The following NF1 variants were observed in gnomAD, a reference collection of about 807,000 sequenced individuals.
NF1 encodes neurofibromin 1, also known as neurofibromin.
NF1 carries 122 observed loss-of-function variants against 325.7 expected under a neutral mutation model. The observed-to-expected ratio is 0.37, with a 90% CI of 0.32 to 0.44. The LOEUF (loss-of-function observed/expected upper bound fraction) is 0.44, where lower values mean the gene tolerates loss of function less well. Among genes scored for constraint, NF1 ranks in the 20% least tolerant of loss-of-function variants. NF1 has a pLI of 1.00. For missense variants in NF1, 2,140 were observed against 3,415.4 expected, an observed-to-expected ratio of 0.63 and a Z score of 9.31; for synonymous variants, 1,091 against 1,186.0, an observed-to-expected ratio of 0.92 and a Z score of 1.65.
intron 24 of NF1, among the ~76,000 whole-genome samples, chr17:31,231,600 T>C (rs1387649913): frequency 6.6e-6 from 1 of 152,210 alleles, no homozygotes; most frequent in East Asian, 1.9e-4. Flanking sequence ...CATATATTTT[T>C]AATTATCTTC....
intron 36 of NF1, among the ~76,000 whole-genome samples, chr17:31,309,425 T>C (rs148864219): frequency 6.6e-6 from 1 of 152,324 alleles, no homozygotes; most frequent in African/African-American, 2.4e-5. Context: ...TTGAACACTT[T>C]TGGCATAGAT....
intron 5 of NF1, among the ~76,000 whole-genome samples, chr17:31,181,180 CAAGTTATTAAAAG>C (rs2066125345): frequency 6.6e-6 from 1 of 152,006 alleles, no homozygotes; most frequent in South Asian, 2.1e-4. Context: ...TTTGAAAAAG[CAAGTTATTAAAAG>C]AAAAAGCTCA....
intron 1 of NF1, among the ~76,000 whole-genome samples, chr17:31,132,820 C>G (rs1915490138): frequency 6.6e-6 from 1 of 151,994 alleles, no homozygotes; most frequent in African/African-American, 2.4e-5. Context: ...GCGCTCGCCA[C>G]CATGCCCGGC....
intron 1 of NF1, among the ~76,000 whole-genome samples, chr17:31,146,729 G>A (rs1396832103): frequency 6.6e-6 from 1 of 152,218 alleles, no homozygotes; most frequent in African/African-American, 2.4e-5. Flanking sequence ...AACCCCCACG[G>A]GGAGCCTGGA....
rs200376987 is a variant in NF1, at chr17:31,242,305, C to CTTTTTTTTT, written c.3974+6303_3974+6311dup. On this transcript the variant is annotated intron_variant, in intron 29 of 57. Coordinates refer to ENST00000358273, the MANE Select transcript of NF1 (RefSeq NM_001042492.3). ...TCTTTCCCTAGGTTTCATAAGTTCT[C>CTTTTTTTTT]TTTTTTTTTTTTTTTTTTTTTTTTT... Among the ~76,000 whole-genome samples the CTTTTTTTTT allele has an allele frequency of 5.4e-4, 37 of 68,860 alleles. 4 individuals carry two copies. The highest frequency in any genetic ancestry group is 1.1e-3 in the African/African-American group (17 of 16,008). 45.2% of individuals were successfully genotyped at this position (68,860 alleles called of 152,430 possible). A position where few individuals can be genotyped will look rare whatever the true frequency, so the allele number is the denominator to read the frequency against.
intron 37 of NF1, among the ~76,000 whole-genome samples, chr17:31,327,152 A>G (rs1388072487): frequency 1.3e-5 from 2 of 152,022 alleles, no homozygotes; most frequent in Admixed American, 1.3e-4. Flanking sequence ...TAGGTTTAGT[A>G]GAGACAAGGT....
At chr17:31,294,926 G>C in intron 36 of NF1, 1 of 1,562,260 alleles carries the variant, frequency 6.4e-7, no homozygotes, top group Non-Finnish European at 8.8e-7. Flanking sequence ...AATATAGCTC[G>C]AATCACTGGT....
At chr17:31,230,148 T>C in intron 22 of NF1, 112 bp from the exon 23 acceptor site, 1 of 1,429,024 alleles carries the variant, frequency 7.0e-7, no homozygotes, top group Non-Finnish European at 9.7e-7. Context: ...ATAAATATCT[T>C]ATTGTTTTCA....
chr17:31,182,929 G>C (rs375002032), intron 8 of NF1: 26 of 597,120 alleles, frequency 4.4e-5, no homozygotes, highest in Middle Eastern at 4.4e-4. Flanking sequence ...AAGACTAAAC[G>C]ATACCTCTGT....
intron 36 of NF1, among the ~76,000 whole-genome samples, chr17:31,323,879 T>G (rs1597827631): frequency 6.6e-6 from 1 of 152,322 alleles, no homozygotes; most frequent in Non-Finnish European, 1.5e-5. Flanking sequence ...TTCTCTGCAT[T>G]TCCTTTGATA....
At chr17:31,156,195 A>C in intron 2 of NF1, 69 bp downstream of exon 2, 1 of 1,556,998 alleles carries the variant, frequency 6.4e-7, no homozygotes, top group South Asian at 1.1e-5. Flanking sequence ...AGTTTAGAAC[A>C]GCATATTTTG....
At chr17:31,313,725 TG>T (rs2151520393) in intron 36 of NF1, among the ~76,000 whole-genome samples, 1 of 20,800 alleles carries the variant, frequency 4.8e-5, no homozygotes, top group Non-Finnish European at 1.2e-4. Flanking sequence ...AAAAAATATG[TG>T]TGTGTGTGTG....
intron 1 of NF1, among the ~76,000 whole-genome samples, chr17:31,123,810 G>A (rs1404517951): frequency 1.3e-5 from 2 of 152,148 alleles, no homozygotes; most frequent in African/African-American, 4.8e-5. Flanking sequence ...ATTCCTTTAA[G>A]CAAGGTTGAA....
intron 29 of NF1, among the ~76,000 whole-genome samples, chr17:31,237,760 A>G (rs1328640974): frequency 2.0e-5 from 3 of 151,514 alleles, no homozygotes; most frequent in Non-Finnish European, 2.9e-5. Context: ...TTATTAAGCA[A>G]TTTTACTTTC....
At chr17:31,158,964 C>T in intron 2 of NF1, 46 bp from the exon 3 acceptor site, 1 of 1,160,872 alleles carries the variant, frequency 8.6e-7, no homozygotes, top group Non-Finnish European at 1.3e-6. Flanking sequence ...TGATTGGTAG[C>T]AGAAAGTGAA....
chr17:31,182,943 T>C (rs1452136080), intron 8 of NF1: 6 of 591,188 alleles, frequency 1.0e-5, no homozygotes, highest in African/African-American at 9.3e-5. Context: ...CCTCTGTTAT[T>C]ATTAAACGTA....
In NF1 at chr17:31,181,801, A is replaced by ATTTTTTTT. The variant is rs71142032; in HGVS notation, c.730+25_730+32dup. 1.8e-5 allele frequency: 22 copies of ATTTTTTTT among 1,218,948 alleles called. No individual in the cohort carries two copies. The highest frequency in any genetic ancestry group is 2.7e-5 in the South Asian group (2 of 72,838). 75.5% of individuals were successfully genotyped at this position (1,218,948 alleles called of 1,614,324 possible). A position where few individuals can be genotyped will look rare whatever the true frequency, so the allele number is the denominator to read the frequency against. On this transcript the variant is annotated intron_variant, in intron 7 of 57. Coordinates refer to ENST00000358273, the MANE Select transcript of NF1 (RefSeq NM_001042492.3). ...GATATGGCTGGTAAGGATACGATTG[A>ATTTTTTTT]TTTTTTTTTTTTTTTTGTCTTTTAA...
At chr17:31,139,365 GTTTT>G (rs1916038729) in intron 1 of NF1, among the ~76,000 whole-genome samples, 1 of 127,238 alleles carries the variant, frequency 7.9e-6, no homozygotes, top group Non-Finnish European at 1.6e-5. Context: ...GATCTTAAAT[GTTTT>G]ACACAGACAC....
intron 36 of NF1, chr17:31,297,381 A>C (rs950236359): frequency 8.5e-5 from 13 of 152,216 alleles, no homozygotes; most frequent in Admixed American, 7.9e-4. Context: ...GTGCACACGC[A>C]ACAAAATGGA....
Sources: allele counts gnomAD v4.1 joint callset (sites outside exome capture counted in the v4.1 genomes callset), GRCh38; gene constraint gnomAD v4.1.1; transcripts MANE v1.5; gene names NCBI Gene and HGNC (gene_info 2026-07-23, HGNC 2026-07-21).